The following CSGALNACT1 variants were observed in gnomAD, a reference collection of about 807,000 sequenced individuals.
The protein encoded by CSGALNACT1 is beta4GalNAcT-1.
CSGALNACT1 carries 52 observed loss-of-function variants against 51.0 expected under a neutral mutation model. That is an observed-to-expected ratio of 1.02 (90% confidence interval 0.82 to 1.29). The LOEUF (loss-of-function observed/expected upper bound fraction) is 1.29. Ranked by LOEUF, CSGALNACT1 falls within the 50% of genes most tolerant of loss-of-function variation. The pLI is 0.00. For synonymous variants in CSGALNACT1, 341 were observed against 254.4 expected (o/e 1.34, Z -3.24); for missense variants, 935 against 679.2 (o/e 1.38, Z -4.19).
At chr8:19,663,994 T>G (rs988076721) in intron 1 of CSGALNACT1, among the ~76,000 whole-genome samples, 1 of 152,146 alleles carries the variant, frequency 6.6e-6, no homozygotes. Flanking sequence ...CTTTTCCAAT[T>G]ACCAGCAGAC....
intron 3 of CSGALNACT1, among the ~76,000 whole-genome samples, chr8:19,507,555 A>AAAAAAT (rs2077597863): frequency 6.7e-6 from 1 of 149,268 alleles, no homozygotes; most frequent in Non-Finnish European, 1.5e-5. Context: ...AAAAAAAAGA[A>AAAAAAT]TGATTAATGG....
chr8:19,662,466 A>G (rs1045865745), intron 1 of CSGALNACT1, among the ~76,000 whole-genome samples: 2 of 152,246 alleles, frequency 1.3e-5, no homozygotes, highest in Admixed American at 1.3e-4. Context: ...TACTGATGTA[A>G]GAATCAAAGT....
intron 8 of CSGALNACT1, among the ~76,000 whole-genome samples, chr8:19,410,429 C>T (rs979378773): frequency 6.6e-6 from 1 of 152,150 alleles, no homozygotes; most frequent in African/African-American, 2.4e-5. Context: ...ACTAATATTC[C>T]TTCTGCTGGC....
At chr8:19,542,471 C>T (rs1403551260) in intron 3 of CSGALNACT1, among the ~76,000 whole-genome samples, 1 of 152,126 alleles carries the variant, frequency 6.6e-6, no homozygotes, top group Non-Finnish European at 1.5e-5. Flanking sequence ...AGTCCCAGAG[C>T]CCTCGGTCTA....
chr8:19,668,830 G>A (rs563848481), intron 1 of CSGALNACT1, among the ~76,000 whole-genome samples: 3 of 152,336 alleles, frequency 2.0e-5, no homozygotes, highest in Admixed American at 6.5e-5. Context: ...TGGGATTACA[G>A]GAGTGAGCCA....
At chr8:19,415,693 T>C (rs1164655602) in intron 8 of CSGALNACT1, among the ~76,000 whole-genome samples, 2 of 152,222 alleles carry the variant, frequency 1.3e-5, no homozygotes, top group Non-Finnish European at 2.9e-5. Flanking sequence ...CTTTATGAAT[T>C]TGAAATGGAA....
At chr8:19,675,401 T>A (rs1162594284) in intron 1 of CSGALNACT1, among the ~76,000 whole-genome samples, 1 of 151,882 alleles carries the variant, frequency 6.6e-6, no homozygotes, top group African/African-American at 2.4e-5. Context: ...CTTACAGAAA[T>A]CAAAGAGGAA....
At chr8:19,624,792 C>T (rs1019841936) in intron 1 of CSGALNACT1, among the ~76,000 whole-genome samples, 2 of 152,100 alleles carry the variant, frequency 1.3e-5, no homozygotes, top group African/African-American at 4.8e-5. Flanking sequence ...GATTCTCCTG[C>T]CTCAGCCTCC....
chr8:19,416,300 A>T (rs951370035), intron 8 of CSGALNACT1, among the ~76,000 whole-genome samples: 4 of 151,944 alleles, frequency 2.6e-5, no homozygotes, highest in Admixed American at 2.6e-4. Flanking sequence ...TTTTTAGTAG[A>T]GATGGGGTTT....
chr8:19,436,083 A>T (rs2060325573), intron 6 of CSGALNACT1, among the ~76,000 whole-genome samples: 1 of 152,220 alleles, frequency 6.6e-6, no homozygotes, highest in South Asian at 2.1e-4. Flanking sequence ...CAATCAACTG[A>T]AATGTAAAGC....
chr8:19,656,956 T>C (rs2058333925), intron 1 of CSGALNACT1, among the ~76,000 whole-genome samples: 2 of 151,364 alleles, frequency 1.3e-5, no homozygotes, highest in South Asian at 2.1e-4. Context: ...GTCCCAGCTA[T>C]TCAGGAGGCT....
intron 1 of CSGALNACT1, among the ~76,000 whole-genome samples, chr8:19,615,652 G>C (rs1313154189): frequency 6.6e-6 from 1 of 152,162 alleles, no homozygotes; most frequent in Non-Finnish European, 1.5e-5. Context: ...ACATGAATAG[G>C]TTAAACATCC....
intron 1 of CSGALNACT1, among the ~76,000 whole-genome samples, chr8:19,733,687 T>C (rs2063810599): frequency 6.6e-6 from 1 of 152,204 alleles, no homozygotes; most frequent in Non-Finnish European, 1.5e-5. Context: ...ATGCATGCTT[T>C]TCTCTTTGCC....
intron 6 of CSGALNACT1, among the ~76,000 whole-genome samples, chr8:19,437,007 G>A (rs1234163775): frequency 6.6e-6 from 1 of 152,046 alleles, no homozygotes; most frequent in Non-Finnish European, 1.5e-5. Flanking sequence ...TTCTCCGTAT[G>A]GTGTTGTGCT....
At chr8:19,714,339 T>TC (rs1337817939) in intron 1 of CSGALNACT1, among the ~76,000 whole-genome samples, 15 of 127,466 alleles carry the variant, frequency 1.2e-4, no homozygotes, top group South Asian at 8.1e-4. Flanking sequence ...GGGTATGTTT[T>TC]TTTTTTGTTG....
intron 3 of CSGALNACT1, among the ~76,000 whole-genome samples, chr8:19,533,731 T>C (rs1446012140): frequency 6.6e-6 from 1 of 152,228 alleles, no homozygotes; most frequent in Admixed American, 6.5e-5. Flanking sequence ...TTAGTTTCAG[T>C]ATGTTGAGCT....
At chr8:19,708,838 G>C (rs1248131927) in intron 1 of CSGALNACT1, among the ~76,000 whole-genome samples, 1 of 152,158 alleles carries the variant, frequency 6.6e-6, no homozygotes, top group East Asian at 1.9e-4. Context: ...CCTATTCCTG[G>C]AAGGTCTGGT....
intron 2 of CSGALNACT1, among the ~76,000 whole-genome samples, chr8:19,593,664 C>T (rs1001337202): frequency 1.9e-4 from 29 of 152,300 alleles, no homozygotes; most frequent in African/African-American, 7.0e-4. Context: ...TGGTTTTCAT[C>T]TTAAATCAAA....
rs151086999 is a variant in CSGALNACT1, at chr8:19,530,177, C to T, written c.-296-24047G>A. Among the ~76,000 whole-genome samples, 11 of 152,096 alleles carry T rather than the reference C, an allele frequency of 7.2e-5. No homozygotes were observed. In the East Asian group the frequency reaches 1.4e-3, roughly 19 times the overall value. The stretch of plus-strand genomic sequence containing the variant: ...CAGAGGTTGCAGTGAGCCAAGATCA[C>T]GCCACTGCACTCCAGCCTGGGCAAC... On this transcript the variant is annotated intron_variant, in intron 3 of 9. Transcript: ENST00000454498.
Sources: gnomAD v4.1 joint callset for allele counts (sites outside exome capture counted in the v4.1 genomes callset) on GRCh38, gnomAD v4.1.1 for gene constraint, MANE v1.5 for transcripts, NCBI Gene and HGNC (gene_info 2026-07-23, HGNC 2026-07-21) for gene names.